The following PEPD variants were observed in gnomAD, a reference collection of about 807,000 sequenced individuals.
PEPD encodes xaa-Pro dipeptidase.
PEPD carries 53 observed loss-of-function variants against 60.7 expected under a neutral mutation model. The observed-to-expected ratio is 0.87, with a 90% CI of 0.70 to 1.10. The LOEUF (loss-of-function observed/expected upper bound fraction) is 1.10, where lower values mean the gene tolerates loss of function less well. Among genes scored for constraint, PEPD ranks in the 50% least tolerant of loss-of-function variants. The pLI is 0.00. For missense variants in PEPD, 711 were observed against 711.9 expected, an observed-to-expected ratio of 1.00 and a Z score of 0.01; for synonymous variants, 267 against 284.1, an observed-to-expected ratio of 0.94 and a Z score of 0.60.
At chr19:33,498,069 G>T (rs574547625) in intron 4 of PEPD, among the ~76,000 whole-genome samples, 1 of 152,014 alleles carries the variant, frequency 6.6e-6, no homozygotes, top group African/African-American at 2.4e-5. Flanking sequence ...TGTCCCTCCC[G>T]CAGCGGGAGG....
chr19:33,480,690 G>A (rs1054048468), intron 6 of PEPD, among the ~76,000 whole-genome samples: 1 of 152,144 alleles, frequency 6.6e-6, no homozygotes, highest in African/African-American at 2.4e-5. Flanking sequence ...AGCTACTCAG[G>A]AGGCTGAGGC....
chr19:33,459,676 T>C (rs1350716852), intron 9 of PEPD, among the ~76,000 whole-genome samples: 5 of 151,404 alleles, frequency 3.3e-5, no homozygotes. Flanking sequence ...TCGCTCACTT[T>C]TTTTTTTTAA....
chr19:33,393,408 G>A (rs565016498), intron 12 of PEPD, among the ~76,000 whole-genome samples: 9 of 151,976 alleles, frequency 5.9e-5, no homozygotes, highest in Non-Finnish European at 1.2e-4. Flanking sequence ...GGCCCAGCCC[G>A]CACCCCTGGC....
intron 12 of PEPD, chr19:33,396,118 G>A (rs1968353204): frequency 6.6e-6 from 1 of 152,356 alleles, no homozygotes; most frequent in Non-Finnish European, 1.5e-5. Flanking sequence ...GGGTGGACAT[G>A]GTGCCCACAC....
At chr19:33,444,950 C>A (rs1969565749) in intron 9 of PEPD, among the ~76,000 whole-genome samples, 1 of 152,212 alleles carries the variant, frequency 6.6e-6, no homozygotes, top group Non-Finnish European at 1.5e-5. Flanking sequence ...GGGATGTTGG[C>A]TGTGTGTCCA....
chr19:33,439,947 G>A (rs1375856489), intron 9 of PEPD, among the ~76,000 whole-genome samples: 2 of 152,256 alleles, frequency 1.3e-5, no homozygotes, highest in Admixed American at 1.3e-4. Flanking sequence ...CGAACCCCCG[G>A]CCTCAAGTGA....
chr19:33,459,804 C>T (rs752130028), intron 9 of PEPD, among the ~76,000 whole-genome samples: 14 of 152,120 alleles, frequency 9.2e-5, no homozygotes, highest in African/African-American at 3.1e-4. Flanking sequence ...TGTCCACCTT[C>T]GAGAAAACCA....
intron 11 of PEPD, among the ~76,000 whole-genome samples, chr19:33,405,009 C>T (rs186660130): frequency 4.6e-5 from 7 of 152,366 alleles, no homozygotes; most frequent in East Asian, 1.9e-4. Flanking sequence ...AGAACAGGCA[C>T]GCAGGATCCC....
rs1211324954 is a variant in PEPD, at chr19:33,387,341, G to T, written c.*3C>A. 3.1e-6 allele frequency: 5 copies of T among 1,613,752 alleles called. No individual in the cohort carries two copies. The highest frequency in any genetic ancestry group is 3.4e-6 in the Non-Finnish European group (4 of 1,180,034). On this transcript the variant is annotated 3_prime_UTR_variant, in exon 15 of 15. Transcript: ENST00000244137. ...CCAGGTGCGCTGGGATTTCTGGCTG[G>T]CTCTACTTGGGGCCAGAGAAGGGGG...
chr19:33,495,289 C>A (rs960098455), intron 4 of PEPD, among the ~76,000 whole-genome samples: 1 of 151,768 alleles, frequency 6.6e-6, no homozygotes, highest in African/African-American at 2.4e-5. Flanking sequence ...AGGTGGATCG[C>A]GAGGTCAGGA....
chr19:33,491,817 T>A (rs1970505274), intron 5 of PEPD, among the ~76,000 whole-genome samples: 1 of 152,212 alleles, frequency 6.6e-6, no homozygotes, highest in South Asian at 2.1e-4. Context: ...ACCTTATGTT[T>A]GCTTGGACCA....
In PEPD at chr19:33,413,560, G is replaced by C; in HGVS notation, c.740+15C>G. The C allele has an allele frequency of 2.6e-6, 4 of 1,519,320 alleles. No individual in the cohort carries two copies. Among genetic ancestry groups the C allele is most frequent in the Non-Finnish European group, 3.6e-6 (4 of 1,115,186 alleles). 94.1% of individuals were successfully genotyped at this position (1,519,320 alleles called of 1,614,324 possible). A position where few individuals can be genotyped will look rare whatever the true frequency, so the allele number is the denominator to read the frequency against. ...CCACTGGTCACCCCCAGGGGAGCCA[G>C]GGTGCCCCGCTTACCTGCCGCAGAT... On this transcript the variant is annotated intron_variant, in intron 10 of 14. Transcript: ENST00000244137.
At chr19:33,471,745 C>T (rs1295828910) in intron 7 of PEPD, among the ~76,000 whole-genome samples, 1 of 152,212 alleles carries the variant, frequency 6.6e-6, no homozygotes, top group Non-Finnish European at 1.5e-5. Flanking sequence ...CATGGTGGCT[C>T]TCACTTGTAA....
At chr19:33,418,361 C>T (rs1016316627) in intron 9 of PEPD, among the ~76,000 whole-genome samples, 1 of 152,236 alleles carries the variant, frequency 6.6e-6, no homozygotes, top group African/African-American at 2.4e-5. Flanking sequence ...ACACCTCAGG[C>T]CGAGCAGAGC....
At chr19:33,471,033 A>T (rs1265516897) in intron 7 of PEPD, among the ~76,000 whole-genome samples, 6 of 152,162 alleles carry the variant, frequency 3.9e-5, no homozygotes, top group Non-Finnish European at 8.8e-5. Context: ...AGAAAGGACC[A>T]CATCCTCCTC....
At position 33,422,415 on chromosome 19, in the gene PEPD, TCTAC is replaced by T. The variant is rs540390568; in HGVS notation, c.672-8776_672-8773del. On this transcript the variant is annotated intron_variant, in intron 9 of 14. Transcript: ENST00000244137. ...CCATCCATCTATCCATCACTCTAGA[TCTAC>T]CTACCTATCATCTACCTACCTATAA... 3.8e-3 allele frequency among the ~76,000 whole-genome samples: 471 copies of T among 125,298 alleles called. 3 individuals are homozygous for T. Among genetic ancestry groups the T allele is most frequent in the Middle Eastern group, 0.013 (3 of 232 alleles). 82.2% of individuals were successfully genotyped at this position (125,298 alleles called of 152,430 possible).
Position 33,440,660 on chromosome 19 carries a change from C to T in PEPD, c.671+22335G>A, listed in dbSNP as rs562724817. Among the ~76,000 whole-genome samples the T allele has an allele frequency of 9.8e-5, 15 of 152,350 alleles. 2 individuals are homozygous for T. In the South Asian group the frequency reaches 2.1e-3, roughly 21 times the overall value. ...GCTTTCAACATCATCCTACTCAACA[C>T]TGTCAATCACTCCCAGGACTCCCTC... is the stretch of plus-strand genomic sequence containing the variant. On this transcript the variant is annotated intron_variant, in intron 9 of 14. Coordinates refer to ENST00000244137, the MANE Select transcript of PEPD (RefSeq NM_000285.4).
intron 9 of PEPD, among the ~76,000 whole-genome samples, chr19:33,422,218 T>TC (rs988200952): frequency 5.1e-4 from 78 of 152,084 alleles, no homozygotes; most frequent in African/African-American, 1.8e-3. Context: ...ATGCTCTCTC[T>TC]CCCCCTTCAG....
At chr19:33,470,333 G>C (rs546826807) in intron 7 of PEPD, among the ~76,000 whole-genome samples, 81 of 152,188 alleles carry the variant, frequency 5.3e-4, no homozygotes, top group Admixed American at 3.4e-3. Context: ...AGTGGCCTCA[G>C]GATGAAGGTA....
Sources: gnomAD v4.1 joint callset for allele counts (sites outside exome capture counted in the v4.1 genomes callset) on GRCh38, gnomAD v4.1.1 for gene constraint, MANE v1.5 for transcripts, NCBI Gene and HGNC (gene_info 2026-07-23, HGNC 2026-07-21) for gene names.